Variants in SLC6A12 observed in about 807,000 individuals in gnomAD.
SLC6A12 encodes solute carrier family 6 member 12.
SLC6A12 carries 50 observed loss-of-function variants against 73.3 expected under a neutral mutation model. The observed-to-expected ratio is 0.68, with a 90% confidence interval of 0.54 to 0.86. SLC6A12 has a LOEUF of 0.86. Ranked by LOEUF, SLC6A12 falls within the 40% of genes least tolerant of loss-of-function variation. The probability of loss-of-function intolerance (pLI) is 0.00; values close to 1 mark genes in which losing one functional copy is unlikely to be tolerated. For synonymous variants in SLC6A12, 304 were observed against 309.2 expected, an observed-to-expected ratio of 0.98 and a Z score of 0.18; for missense variants, 648 against 772.8, an observed-to-expected ratio of 0.84 and a Z score of 1.92.
intron 10 of SLC6A12, among the ~76,000 whole-genome samples, chr12:197,158 C>CATCTATCCATCCATCT (rs1565469088): frequency 4.5e-4 from 20 of 44,478 alleles, no homozygotes; most frequent in African/African-American, 1.3e-3. Flanking sequence ...TCCATCCATC[C>CATCTATCCATCCATCT]ATCCATCCAT....
Position 200,655 on chromosome 12 carries a change from C to T in SLC6A12, c.707G>A (p.Gly236Asp). 1 of 1,613,940 alleles carries T rather than the reference C, an allele frequency of 6.2e-7. No homozygotes were observed. Among genetic ancestry groups the T allele is most frequent in the Middle Eastern group, 1.6e-4 (1 of 6,062 alleles). The change falls in exon 7 of 16, where the codon GGC becomes GAC. Residue 236 changes from glycine (G) to aspartate (D), a missense_variant. Transcript: ENST00000684302. ...FCIWKGVKSTGKVVYFTATFP... is the reference protein window; with the variant it reads ...FCIWKGVKSTDKVVYFTATFP... ...CCAGGAGGCAGGACATCTCACCTTG[C>T]CTGTGGACTTGACCCCCTTCCAGAT...
chr12:209,794 GAT>G lies in SLC6A12; in HGVS notation c.191_192del (p.Tyr64SerfsTer87), dbSNP rs1337188653. 7.4e-6 allele frequency: 12 copies of G among 1,614,208 alleles called. No homozygotes were observed. Among genetic ancestry groups the G allele is most frequent in the Non-Finnish European group, 1.0e-5 (12 of 1,180,042 alleles). On this transcript the variant is annotated frameshift_variant, in exon 3 of 16. Coordinates refer to ENST00000684302, the MANE Select transcript of SLC6A12 (RefSeq NM_001122848.3). LOFTEE classifies it high-confidence loss of function. ...TCACCACCTCCGTTTTTGTAGCAGAGATAGGGAAACCTCCAGACATTGCCCAG... is the reference window on the plus strand; with the variant it reads ...TCACCACCTCCGTTTTTGTAGCAGAGAGGGAAACCTCCAGACATTGCCCAG... ...IGLGNVWRFPYLCYKNGGGAF... is the reference protein window; with the variant it reads ...IGLGNVWRFPXLCYKNGGGAF...
Position 202,925 on chromosome 12 carries a change from G to C in SLC6A12, c.350-45C>G, listed in dbSNP as rs372497621. On this transcript the variant is annotated intron_variant, in intron 4 of 15. Coordinates refer to ENST00000684302, the MANE Select transcript of SLC6A12 (RefSeq NM_001122848.3). ...ATGGGGAGGGACAAGAGAGATCAAT[G>C]TTAGCAAAAAAGTCACATAGAAGCT... 248 of 1,588,622 alleles carry C rather than the reference G, an allele frequency of 1.6e-4. No individual in the cohort carries two copies. Among genetic ancestry groups the C allele is most frequent in the Non-Finnish European group, 2.1e-4 (242 of 1,163,462 alleles).
the SLC6A12 span, among the ~76,000 whole-genome samples, chr12:184,679 G>A: frequency 1.3e-5 from 2 of 152,160 alleles, no homozygotes; most frequent in Non-Finnish European, 2.9e-5. Context: ...GAACCCGGGA[G>A]GCGGAGCTTG....
Position 198,073 on chromosome 12 carries a change from G to C in SLC6A12, c.847-70C>G, listed in dbSNP as rs1940015386. On this transcript the variant is annotated intron_variant, in intron 8 of 15. Transcript: ENST00000684302. The surrounding 1 kb of genome is among the most constrained non-coding windows in gnomAD (Gnocchi z 4.0). ...CAGAGCCAGGGTGACCCGAGATCCAGACCCGTCCCCTGCAGCACCAGCCTG... is the reference window on the plus strand; with the variant it reads ...CAGAGCCAGGGTGACCCGAGATCCACACCCGTCCCCTGCAGCACCAGCCTG... 5 of 1,269,390 alleles carry C rather than the reference G, an allele frequency of 3.9e-6. No individual in the cohort carries two copies. Among genetic ancestry groups the C allele is most frequent in the Middle Eastern group, 3.7e-4 (2 of 5,376 alleles). 78.6% of individuals were successfully genotyped at this position (1,269,390 alleles called of 1,614,324 possible).
In SLC6A12 at chr12:200,646, C is replaced by T. The variant is rs1000557440; in HGVS notation, c.711+5G>A. ...GGGAGCTTCCCAGGAGGCAGGACAT[C>T]TCACCTTGCCTGTGGACTTGACCCC... On this transcript the variant is annotated splice_donor_5th_base_variant and intron_variant, in intron 7 of 15. Transcript: ENST00000684302. 1 of 1,613,648 alleles carries T rather than the reference C, an allele frequency of 6.2e-7. No homozygotes were observed. The highest frequency in any genetic ancestry group is 8.5e-7 in the Non-Finnish European group (1 of 1,179,766).
chr12:205,545 G>A (rs543512180), intron 3 of SLC6A12, among the ~76,000 whole-genome samples: 3 of 152,296 alleles, frequency 2.0e-5, no homozygotes, highest in East Asian at 1.9e-4. Context: ...CGGAAAAACC[G>A]AAGCATGAAT....
intron 15 of SLC6A12, 100 bp from the exon 16 acceptor site, chr12:191,311 T>A (rs1215269353): frequency 1.9e-6 from 2 of 1,027,512 alleles, no homozygotes; most frequent in Admixed American, 4.3e-5. Flanking sequence ...GCGGAGCACA[T>A]GGCCAGCACC....
At chr12:187,672 C>T (rs1194262390), downstream of SLC6A12, among the ~76,000 whole-genome samples, 16 of 146,458 alleles carry the variant, frequency 1.1e-4, no homozygotes, top group South Asian at 3.6e-3. Context: ...AACGCGACCC[C>T]AGCGGGTTAC....
At chr12:185,895 G>A (rs907233853), downstream of SLC6A12, among the ~76,000 whole-genome samples, 1 of 152,252 alleles carries the variant, frequency 6.6e-6, no homozygotes, top group African/African-American at 2.4e-5. Context: ...CATGGCCGCT[G>A]CATCAATGGG....
chr12:209,869 T>C lies in SLC6A12; in HGVS notation c.118A>G (p.Thr40Ala). 6.2e-7 allele frequency: 1 copy of C among 1,614,172 alleles called. No homozygotes were observed. The highest frequency in any genetic ancestry group is 8.5e-7 in the Non-Finnish European group (1 of 1,180,032). ...GACAGCACAAACTCCATCTTGTTGG[T>C]CCATTGGCCCCGATCCTTCACCTGG... Reference protein sequence around the residue: ...EDQVKDRGQWTNKMEFVLSVA... With the variant: ...EDQVKDRGQWANKMEFVLSVA... Residue 40 changes from threonine (T) to alanine (A), a missense_variant, in exon 3 of 16, where the codon ACC becomes GCC. By Grantham distance (58) the Thr-to-Ala change is moderately conservative. Coordinates refer to ENST00000684302, the MANE Select transcript of SLC6A12 (RefSeq NM_001122848.3).
intron 3 of SLC6A12, among the ~76,000 whole-genome samples, chr12:207,468 C>A (rs530973546): frequency 6.6e-6 from 1 of 152,332 alleles, no homozygotes; most frequent in Admixed American, 6.5e-5. Flanking sequence ...CCAAAGCCCT[C>A]ATTAGACCAA....
chr12:212,832 G>A (rs143363184), intron 1 of SLC6A12, among the ~76,000 whole-genome samples: 2,572 of 152,198 alleles, frequency 0.017, 66 homozygotes, highest in South Asian at 0.11. Flanking sequence ...TCGGCTGGCC[G>A]CCTCTCCAGC....
intron 4 of SLC6A12, chr12:203,370 A>T (rs1314410928): frequency 1.3e-5 from 2 of 151,422 alleles, no homozygotes; most frequent in East Asian, 4.1e-4. Flanking sequence ...GACCTTTCAG[A>T]ACAGCCTGGC....
rs901334043 is a variant in SLC6A12 at position 206,960 on chromosome 12, C to T, written c.215-2262G>A. ...GTTCTCACCTGGGAGTGTGGATTTC[C>T]GCCCCACAGAAGACGGGGTGACTTC... On this transcript the variant is annotated intron_variant, in intron 3 of 15. Coordinates refer to ENST00000684302, the MANE Select transcript of SLC6A12 (RefSeq NM_001122848.3). 7.2e-5 allele frequency among the ~76,000 whole-genome samples: 11 copies of T among 152,336 alleles called. No individual in the cohort carries two copies. The East Asian group carries it at 9.6e-4, about 13-fold the overall frequency.
chr12:187,735 T>C (rs1195082794), downstream of SLC6A12, among the ~76,000 whole-genome samples: 1 of 150,602 alleles, frequency 6.6e-6, no homozygotes, highest in African/African-American at 2.5e-5. Flanking sequence ...CCCACCCACA[T>C]CCTGCTGATT....
At chr12:186,501 C>T (rs1939430251), downstream of SLC6A12, among the ~76,000 whole-genome samples, 1 of 152,234 alleles carries the variant, frequency 6.6e-6, no homozygotes, top group Non-Finnish European at 1.5e-5. Context: ...GCATTTCTGG[C>T]TCAGTGCCTC....
At chr12:195,375 C>A in intron 12 of SLC6A12, 48 bp from the exon 13 acceptor site, 1 of 1,212,724 alleles carries the variant, frequency 8.2e-7, no homozygotes, top group Non-Finnish European at 1.2e-6. Flanking sequence ...AGAGCTGGGA[C>A]ACACTCCAGC....
At chr12:188,768 GAA>G (rs139496276), downstream of SLC6A12, among the ~76,000 whole-genome samples, 5,543 of 152,318 alleles carry the variant, frequency 0.036, 118 homozygotes, top group African/African-American at 0.054. Context: ...GCTGGAGAGT[GAA>G]ACAGTTGCTC....
Sources: gnomAD v4.1 joint callset for allele counts (sites outside exome capture counted in the v4.1 genomes callset) on GRCh38, gnomAD v4.1.1 for gene constraint, Gnocchi (gnomAD v3.1) non-coding constraint, MANE v1.5 for transcripts, NCBI Gene and HGNC (gene_info 2026-07-23, HGNC 2026-07-21) for gene names.